STPG2: variants seen among roughly 807,000 people sequenced by gnomAD.
The protein encoded by STPG2 is sperm tail PG-rich repeat containing 2, also known as sperm-tail PG-rich repeat-containing protein 2.
Under a neutral mutation model 54.2 loss-of-function variants are expected in STPG2, and 56 were observed. The ratio of observed to expected loss-of-function variants is 1.03; its 90% CI spans 0.83 to 1.29. The LOEUF is 1.29. STPG2 is among the 50% of genes most tolerant of loss of function. The pLI, the probability that STPG2 is intolerant of heterozygous loss-of-function variation, is 0.00. For missense variants in STPG2, 596 were observed against 544.9 expected (o/e 1.09, Z -0.93); for synonymous variants, 200 against 181.8 (o/e 1.10, Z -0.81).
At chr4:98,087,851 T>C (rs1045242765) in intron 5 of STPG2, among the ~76,000 whole-genome samples, 1 of 152,192 alleles carries the variant, frequency 6.6e-6, no homozygotes, top group Non-Finnish European at 1.5e-5. Flanking sequence ...TGAGCCACCG[T>C]GCCCGGCCTC....
chr4:97,865,623 T>C (rs1729740838), intron 8 of STPG2, among the ~76,000 whole-genome samples: 1 of 151,668 alleles, frequency 6.6e-6, no homozygotes. Context: ...ACACCACATA[T>C]TCTCACTCAT....
At chr4:97,742,545 G>GTATATATA (rs1725283939) in intron 9 of STPG2, among the ~76,000 whole-genome samples, 4 of 142,956 alleles carry the variant, frequency 2.8e-5, no homozygotes, top group Admixed American at 1.5e-4. Context: ...GTGTGTGTGT[G>GTATATATA]TGTGTGTGTG....
At chr4:98,020,459 G>A (rs1453467964) in intron 5 of STPG2, among the ~76,000 whole-genome samples, 1 of 151,212 alleles carries the variant, frequency 6.6e-6, no homozygotes, top group East Asian at 1.9e-4. Flanking sequence ...TGTTCATCAA[G>A]GATATTGGTC....
intron 4 of STPG2, chr4:97,489,729 G>A (rs1182438391): frequency 6.6e-6 from 1 of 151,546 alleles, no homozygotes; most frequent in East Asian, 1.9e-4. Flanking sequence ...CTCTTCATTT[G>A]AAATGTAAAC....
intron 5 of STPG2, among the ~76,000 whole-genome samples, chr4:97,981,833 T>TTATATA (rs3047345): frequency 0.017 from 2,412 of 143,318 alleles, 34 homozygotes; most frequent in Admixed American, 0.027. Context: ...TATAAAATGT[T>TTATATA]TATATATATA....
At chr4:97,494,847 C>A (rs1284402705) in intron 4 of STPG2, among the ~76,000 whole-genome samples, 1 of 151,252 alleles carries the variant, frequency 6.6e-6, no homozygotes, top group Non-Finnish European at 1.5e-5. Context: ...AGCATTTTGC[C>A]ATCATAATAA....
At chr4:97,859,318 G>A (rs1729432276) in intron 8 of STPG2, among the ~76,000 whole-genome samples, 1 of 151,980 alleles carries the variant, frequency 6.6e-6, no homozygotes, top group Admixed American at 6.6e-5. Context: ...TGAATGCATA[G>A]TTTTCAAATA....
intron 4 of STPG2, among the ~76,000 whole-genome samples, chr4:97,500,411 T>C (rs1730698520): frequency 6.6e-6 from 1 of 152,028 alleles, no homozygotes; most frequent in African/African-American, 2.4e-5. Flanking sequence ...GATATGTAAA[T>C]TTTGAAATGC....
chr4:97,956,460 G>C lies in STPG2; in HGVS notation c.934-12453C>G, dbSNP rs188559803. Among the ~76,000 whole-genome samples the C allele has an allele frequency of 3.6e-3, 544 of 152,290 alleles. 5 individuals are homozygous for C. Among genetic ancestry groups the C allele is most frequent in the African/African-American group, 0.012 (517 of 41,558 alleles). ...GCATCCCACTTGGAAGGACAGAGCA[G>C]TGTGTGGAGTCTCAGACCATGAACT... On this transcript the variant is annotated intron_variant, in intron 7 of 10. Coordinates refer to ENST00000295268, the MANE Select transcript of STPG2 (RefSeq NM_174952.3).
rs1215700216 is a variant in STPG2 at position 98,130,940 on chromosome 4, C to CA, written c.223-2349dup. On this transcript the variant is annotated intron_variant, in intron 2 of 10. Transcript: ENST00000295268. ...CCGTCTCAAAAAAAAAAAAAAAAAACAAAAAAAAAACGACTTTCCAAAATA... is the reference window on the plus strand; with the variant it reads ...CCGTCTCAAAAAAAAAAAAAAAAAACAAAAAAAAAAACGACTTTCCAAAATA... 4.8e-3 allele frequency among the ~76,000 whole-genome samples: 459 copies of CA among 96,268 alleles called. 14 individuals are homozygous for CA. Among genetic ancestry groups the CA allele is most frequent in the African/African-American group, 0.017 (413 of 23,956 alleles). The allele number at this position is 96,268 out of a possible 152,430, so 63.2% of individuals were successfully genotyped here.
At chr4:98,111,635 T>C (rs182847713) in intron 3 of STPG2, among the ~76,000 whole-genome samples, 2 of 152,200 alleles carry the variant, frequency 1.3e-5, no homozygotes, top group African/African-American at 4.8e-5. Flanking sequence ...TAAATGCGGA[T>C]TGTGATGGTC....
chr4:97,566,439 C>A (rs190952385), intron 10 of STPG2, among the ~76,000 whole-genome samples: 1 of 152,266 alleles, frequency 6.6e-6, no homozygotes, highest in East Asian at 1.9e-4. Context: ...GCGTGCTGCA[C>A]CCACTGTCCT....
At chr4:97,881,113 T>C (rs1730355584) in intron 8 of STPG2, among the ~76,000 whole-genome samples, 1 of 150,852 alleles carries the variant, frequency 6.6e-6, no homozygotes, top group South Asian at 2.1e-4. Flanking sequence ...TGGGATCTAG[T>C]CCCCTGGATC....
chr4:97,470,890 A>G lies in STPG2; in HGVS notation c.462+241809T>C, dbSNP rs527375893. Among the ~76,000 whole-genome samples, 6 of 152,228 alleles carry G rather than the reference A, an allele frequency of 3.9e-5. No homozygotes were observed. The East Asian group carries it at 9.7e-4, about 25-fold the overall frequency. ...AATGACATAGGCATTGCGCTGTAGC[A>G]TTAGGCTACTATTGACTTTCTGATG... On this transcript the variant is annotated intron_variant, in intron 4 of 4. Coordinates refer to the STPG2 transcript ENST00000522676.
chr4:97,712,871 T>A (rs1724169727), intron 9 of STPG2, 57 bp from the exon 10 acceptor site: 1 of 1,257,024 alleles, frequency 8.0e-7, no homozygotes, highest in African/African-American at 1.5e-5. Flanking sequence ...TTATTGATTT[T>A]GGTCATATGA....
chr4:97,494,718 G>A (rs1443702147), intron 4 of STPG2, among the ~76,000 whole-genome samples: 2 of 50,158 alleles, frequency 4.0e-5, no homozygotes, highest in Non-Finnish European at 7.4e-5. Context: ...TTTGCGGAAG[G>A]AGTAAGGATT....
intron 9 of STPG2, among the ~76,000 whole-genome samples, chr4:97,738,183 G>T (rs991086026): frequency 6.6e-6 from 1 of 152,112 alleles, no homozygotes; most frequent in Non-Finnish European, 1.5e-5. Context: ...TTACCACCAG[G>T]CCTGCCCGAA....
At chr4:97,662,554 T>C (rs1010712963) in intron 10 of STPG2, among the ~76,000 whole-genome samples, 27 of 152,152 alleles carry the variant, frequency 1.8e-4, no homozygotes, top group Non-Finnish European at 3.8e-4. Flanking sequence ...AAAAGACACA[T>C]GTACCCGTAT....
intron 10 of STPG2, among the ~76,000 whole-genome samples, chr4:97,699,690 G>T (rs935030583): frequency 6.6e-6 from 1 of 152,172 alleles, no homozygotes; most frequent in South Asian, 2.1e-4. Flanking sequence ...TAGTGCTGCA[G>T]CTGTCCACTT....
Sources: gnomAD v4.1 joint callset for allele counts (sites outside exome capture counted in the v4.1 genomes callset) on GRCh38, gnomAD v4.1.1 for gene constraint, MANE v1.5 for transcripts, NCBI Gene and HGNC (gene_info 2026-07-23, HGNC 2026-07-21) for gene names.